Variants in SCUBE2 observed in about 807,000 individuals in gnomAD.
SCUBE2 encodes signal peptide, CUB and EGF-like domain-containing protein 2.
A neutral mutation model predicts 125.9 loss-of-function variants in SCUBE2; 114 were observed. The observed-to-expected ratio is 0.91, with a 90% confidence interval of 0.78 to 1.06. The LOEUF (loss-of-function observed/expected upper bound fraction) is 1.06. SCUBE2 is among the 50% of genes least tolerant of loss of function. The probability of loss-of-function intolerance (pLI) is 0.00; values close to 1 mark genes in which losing one functional copy is unlikely to be tolerated. For missense variants in SCUBE2, 1,255 were observed against 1,301.8 expected (o/e 0.96, Z 0.55); for synonymous variants, 459 against 492.9 (o/e 0.93, Z 0.91).
rs888063015 is a variant in SCUBE2, at chr11:9,091,208, G to A, written c.133+188C>T. ...GTCCGAGGCCGGGCCGAAGGACTCA[G>A]GGCCCCAGCGGTCGTGGCGCCTTGG... On this transcript the variant is annotated intron_variant, in intron 1 of 22. Coordinates refer to ENST00000649792, the MANE Select transcript of SCUBE2 (RefSeq NM_001367977.2). The surrounding 1 kb of genome is among the most constrained non-coding windows in gnomAD (Gnocchi z 8.5). Among the ~76,000 whole-genome samples the A allele has an allele frequency of 2.6e-5, 4 of 152,076 alleles. No homozygotes were observed. The highest frequency in any genetic ancestry group is 4.4e-5 in the Non-Finnish European group (3 of 67,982).
At chr11:9,029,841 T>G in intron 19 of SCUBE2, 43 bp downstream of exon 19, 2 of 1,611,536 alleles carry the variant, frequency 1.2e-6, no homozygotes, top group Non-Finnish European at 1.7e-6. Flanking sequence ...CAGACACCTA[T>G]CTTCTTAGCC....
At chr11:9,039,981 G>A (rs1304825724) in intron 16 of SCUBE2, among the ~76,000 whole-genome samples, 2 of 152,200 alleles carry the variant, frequency 1.3e-5, no homozygotes, top group South Asian at 2.1e-4. Flanking sequence ...GGGCGTAAAC[G>A]TGACGCGAGC....
chr11:9,046,335 T>A (rs1005854287), intron 16 of SCUBE2, among the ~76,000 whole-genome samples: 3 of 152,024 alleles, frequency 2.0e-5, no homozygotes, highest in African/African-American at 7.2e-5. Flanking sequence ...GCTGTTGTGG[T>A]CATGAAGCCC....
intron 16 of SCUBE2, among the ~76,000 whole-genome samples, chr11:9,036,889 C>T (rs1856791410): frequency 6.6e-6 from 1 of 152,238 alleles, no homozygotes; most frequent in African/African-American, 2.4e-5. Context: ...ACCCTTCAGG[C>T]TGCCCTGTGG....
In SCUBE2 at chr11:9,072,024, T is replaced by A. The variant is rs1415075124; in HGVS notation, c.517+2457A>T. Reference sequence around the variant, plus strand: ...TGGAGTCTCTAAGGATAAAAAAAAATAAAATAAAAAATCAGTATCTTGAGC... The same window carrying A: ...TGGAGTCTCTAAGGATAAAAAAAAAAAAAATAAAAAATCAGTATCTTGAGC... On this transcript the variant is annotated intron_variant, in intron 4 of 22. Coordinates refer to ENST00000649792, the MANE Select transcript of SCUBE2 (RefSeq NM_001367977.2). 3.3e-5 allele frequency among the ~76,000 whole-genome samples: 5 copies of A among 151,956 alleles called. No individual in the cohort carries two copies. The South Asian group carries it at 6.2e-4, about 19-fold the overall frequency.
chr11:9,042,652 A>G (rs1039984025), intron 16 of SCUBE2, among the ~76,000 whole-genome samples: 2 of 151,886 alleles, frequency 1.3e-5, no homozygotes, highest in Non-Finnish European at 2.9e-5. Flanking sequence ...GATCACATTC[A>G]TTTCATCATT....
chr11:9,064,326 G>C (rs934834734), intron 7 of SCUBE2, among the ~76,000 whole-genome samples: 2 of 152,012 alleles, frequency 1.3e-5, no homozygotes, highest in African/African-American at 4.8e-5. Context: ...TATTAGCCAG[G>C]CGCAGTGGCA....
chr11:9,025,678 C>G, intron 21 of SCUBE2, 24 bp downstream of exon 21: 1 of 1,612,938 alleles, frequency 6.2e-7, no homozygotes, highest in East Asian at 2.2e-5. Context: ...GACGCTCTTT[C>G]CATGTGCTGC....
intron 2 of SCUBE2, among the ~76,000 whole-genome samples, chr11:9,084,053 C>T (rs1458007220): frequency 2.6e-5 from 4 of 152,196 alleles, no homozygotes; most frequent in Non-Finnish European, 4.4e-5. Flanking sequence ...CTATAGACCA[C>T]TTCCATTAAA....
chr11:9,059,553 GA>G (rs1406662067), intron 8 of SCUBE2, 128 bp from the exon 9 acceptor site: 1 of 1,205,088 alleles, frequency 8.3e-7, no homozygotes, highest in African/African-American at 1.5e-5. Flanking sequence ...AAGCATTTAA[GA>G]ATGTTTGCTG....
rs768645070 is a variant in SCUBE2, at chr11:9,033,612, G to C, written c.2173+14C>G. The C allele has an allele frequency of 3.1e-6, 5 of 1,611,784 alleles. No homozygotes were observed. The highest frequency in any genetic ancestry group is 4.5e-5 in the East Asian group (2 of 44,862). On this transcript the variant is annotated intron_variant, in intron 17 of 22. Transcript: ENST00000649792. ...GAGATGGGAGGAGTAGGAAGGAACA[G>C]ACAGCATCCTTACCTCCACATTCAG...
At chr11:9,045,239 A>T (rs1271594815) in intron 16 of SCUBE2, among the ~76,000 whole-genome samples, 1 of 152,140 alleles carries the variant, frequency 6.6e-6, no homozygotes, top group Non-Finnish European at 1.5e-5. Flanking sequence ...TTGTGGAAAA[A>T]TCACACAGCA....
chr11:9,030,320 C>A, intron 18 of SCUBE2: 1 of 495,506 alleles, frequency 2.0e-6, no homozygotes, highest in Admixed American at 3.3e-5. Flanking sequence ...CAACTCCAGT[C>A]TTCATGCAGA....
rs148368735 is a variant in SCUBE2, at chr11:9,089,788, C to T, written c.175G>A (p.Asp59Asn). 2.1e-5 allele frequency: 34 copies of T among 1,613,824 alleles called. No homozygotes were observed. The Middle Eastern group carries it at 4.9e-4, about 23-fold the overall frequency. Residue 59 changes from aspartate (D) to asparagine (N), a missense_variant, in exon 2 of 23, where the codon GAC becomes AAC. This residue lies in a region of SCUBE2 where 362 missense variants were observed against 323.0 expected (regional missense o/e 1.12). Transcript: ENST00000649792. ...CAQGLDDCHADALCQNTPTSY... is the reference protein window; with the variant it reads ...CAQGLDDCHANALCQNTPTSY... ...GTGGGTGTGTTCTGACACAGGGCGT[C>T]GGCATGGCAGTCATCTAGCCCTTGG...
At chr11:9,053,838 A>G in intron 10 of SCUBE2, 79 bp from the exon 11 acceptor site, 2 of 1,537,986 alleles carry the variant, frequency 1.3e-6, no homozygotes, top group Non-Finnish European at 1.8e-6. Context: ...AGGAAGGAGC[A>G]GCAGGGGAGT....
chr11:9,034,638 G>A (rs1426704670), intron 16 of SCUBE2, among the ~76,000 whole-genome samples: 1 of 152,158 alleles, frequency 6.6e-6, no homozygotes, highest in Non-Finnish European at 1.5e-5. Flanking sequence ...GCTGGGATGG[G>A]TGGTGATCTC....
intron 3 of SCUBE2, among the ~76,000 whole-genome samples, chr11:9,077,643 G>A (rs1042021438): frequency 1.3e-5 from 2 of 152,230 alleles, no homozygotes; most frequent in South Asian, 2.1e-4. Flanking sequence ...TGAATGTTGG[G>A]GAAGTGTCTA....
chr11:9,069,241 T>C (rs921756874), intron 5 of SCUBE2, 129 bp downstream of exon 5: 18 of 1,151,640 alleles, frequency 1.6e-5, no homozygotes, highest in Admixed American at 8.0e-5. Context: ...TAGAGGTCGG[T>C]ATCCCGTGCT....
chr11:9,051,386 G>A (rs561991593), intron 13 of SCUBE2, among the ~76,000 whole-genome samples: 2 of 152,276 alleles, frequency 1.3e-5, no homozygotes, highest in African/African-American at 4.8e-5. Flanking sequence ...GGATAAGCCC[G>A]TTTGGCGAAA....
Sources: allele counts gnomAD v4.1 joint callset (sites outside exome capture counted in the v4.1 genomes callset), GRCh38; gene constraint gnomAD v4.1.1; regional missense constraint gnomAD v4.1.1; non-coding constraint Gnocchi (gnomAD v3.1); transcripts MANE v1.5; gene names NCBI Gene and HGNC (gene_info 2026-07-23, HGNC 2026-07-21).